ZNF425: variants seen among roughly 807,000 people sequenced by gnomAD.
ZNF425 encodes zinc finger protein 425.
ZNF425 carries 21 observed loss-of-function variants against 17.0 expected under a neutral mutation model. That is an observed-to-expected ratio of 1.23 (90% CI 0.88 to 1.78). The LOEUF is 1.78. ZNF425 is among the 40% of genes most tolerant of loss of function. ZNF425 has a pLI of 0.00. For missense variants in ZNF425, 868 were observed against 967.3 expected, an observed-to-expected ratio of 0.90 and a Z score of 1.36; for synonymous variants, 433 against 384.1, an observed-to-expected ratio of 1.13 and a Z score of -1.49.
intron 1 of ZNF425, among the ~76,000 whole-genome samples, chr7:149,125,096 C>T (rs1204434028): frequency 6.6e-6 from 1 of 152,128 alleles, no homozygotes; most frequent in Non-Finnish European, 1.5e-5. Context: ...AAAAGAAAGC[C>T]TGGCTGTAGA....
chr7:149,109,994 C>A (rs60032040), intron 3 of ZNF425, among the ~76,000 whole-genome samples: 6,751 of 151,458 alleles, frequency 0.045, 512 homozygotes, highest in African/African-American at 0.15. Context: ...CCCCTGCCTC[C>A]GCCTCCTGAG....
intron 1 of ZNF425, 149 bp from the exon 2 acceptor site, chr7:149,118,497 A>C: frequency 1.0e-6 from 1 of 968,936 alleles, no homozygotes; most frequent in Non-Finnish European, 1.5e-6. Context: ...AGGGGTCACA[A>C]ATATCCACTG....
chr7:149,119,302 A>G (rs1332753644), intron 1 of ZNF425, among the ~76,000 whole-genome samples: 1 of 152,000 alleles, frequency 6.6e-6, no homozygotes. Context: ...CCAACGTGGT[A>G]AAACCTCATC....
intron 3 of ZNF425, among the ~76,000 whole-genome samples, chr7:149,107,348 T>TA (rs1237876400): frequency 5.9e-5 from 8 of 134,806 alleles, no homozygotes; most frequent in African/African-American, 2.4e-4. Context: ...TTTATTTATT[T>TA]TTTTTCTGAG....
Position 149,104,404 on chromosome 7 carries a change from G to A in ZNF425, c.1467C>T (p.Thr489=), listed in dbSNP as rs1240867557. ...ACTCCTTCTGCCTGTCGTGGACTCT[G>A]GTGTGGCAGGCGAGCTTGGAAGGCC... The part of the protein sequence containing the change: ...FTRPSKLACH[T]RVHDRQKEFP... Residue 489 remains threonine (T), a synonymous_variant, in exon 4 of 4, where the codon ACC becomes ACT. Coordinates refer to ENST00000378061, the MANE Select transcript of ZNF425 (RefSeq NM_001001661.3). The surrounding 1 kb of genome is among the most constrained non-coding windows in gnomAD (Gnocchi z 4.3). 19 of 1,605,496 alleles carry A rather than the reference G, an allele frequency of 1.2e-5. No individual in the cohort carries two copies. Among genetic ancestry groups the A allele is most frequent in the Non-Finnish European group, 1.4e-5 (17 of 1,176,166 alleles).
rs1185700429 is a variant in ZNF425, at chr7:149,102,948, G to C, written c.*664C>G. On this transcript the variant is annotated 3_prime_UTR_variant, in exon 4 of 4. Transcript: ENST00000378061. ...AAAATGGCCTGGTAATGGAAAAGCT[G>C]ACTGAGGAATATGTTCCTGGCTGTA... 1.3e-5 allele frequency: 2 copies of C among 152,192 alleles called. No homozygotes were observed. The highest frequency in any genetic ancestry group is 3.8e-4 in the East Asian group (2 of 5,204). 9.4% of individuals were successfully genotyped at this position (152,192 alleles called of 1,614,324 possible).
rs869026303 is a variant in ZNF425, at chr7:149,117,642, C to CTTTTTTTT, written c.145+572_145+579dup. Among the ~76,000 whole-genome samples the CTTTTTTTT allele has an allele frequency of 9.1e-4, 50 of 54,984 alleles. 5 individuals are homozygous for CTTTTTTTT. Among genetic ancestry groups the CTTTTTTTT allele is most frequent in the African/African-American group, 2.0e-3 (26 of 13,118 alleles). The allele number at this position is 54,984 out of a possible 152,430, so 36.1% of individuals were successfully genotyped here. The stretch of plus-strand genomic sequence containing the variant: ...GGGGCAATTAGATTACTTAGTAATT[C>CTTTTTTTT]TTTTTTTTTTTTTTTTTTTTTTTTT... On this transcript the variant is annotated intron_variant, in intron 2 of 3. Coordinates refer to ENST00000378061, the MANE Select transcript of ZNF425 (RefSeq NM_001001661.3).
chr7:149,104,747 G>T lies in ZNF425; in HGVS notation c.1124C>A (p.Thr375Asn). 2.5e-6 allele frequency: 4 copies of T among 1,613,080 alleles called. No homozygotes were observed. The highest frequency in any genetic ancestry group is 3.4e-6 in the Non-Finnish European group (4 of 1,179,882). Reference protein sequence around the residue: ...RSFSRKAALKTHQRTHSEEKP... With the variant: ...RSFSRKAALKNHQRTHSEEKP... ...TTCCTCGCTGTGCGTCCTCTGGTGG[G>T]TCTTCAGGGCAGCCTTCCGGGAGAA... is the stretch of plus-strand genomic sequence containing the variant. Residue 375 changes from threonine to asparagine, a missense_variant, in exon 4 of 4, where the codon ACC becomes AAC. Thr to Asn is a moderately conservative substitution (Grantham distance 65, BLOSUM62 0). Coordinates refer to ENST00000378061, the MANE Select transcript of ZNF425 (RefSeq NM_001001661.3). The surrounding 1 kb of genome is among the most constrained non-coding windows in gnomAD (Gnocchi z 4.3).
At position 149,103,720 on chromosome 7, in the gene ZNF425, A is replaced by G. The variant is rs757190057; in HGVS notation, c.2151T>C (p.Ser717=). 9 of 1,613,980 alleles carry G rather than the reference A, an allele frequency of 5.6e-6. No homozygotes were observed. Among genetic ancestry groups the G allele is most frequent in the African/African-American group, 2.7e-5 (2 of 74,886 alleles). Reference sequence around the variant, plus strand: ...CATCACAAGAAAAAGGCCTCTCCCCACTGTGAAGGCACAGATGGGCCTTCA... The same window carrying G: ...CATCACAAGAAAAAGGCCTCTCCCCGCTGTGAAGGCACAGATGGGCCTTCA... ...RSLKAHLCLH[S]GERPFSCDEC... Residue 717 remains serine, a synonymous_variant, in exon 4 of 4, where the codon AGT becomes AGC. Coordinates refer to ENST00000378061, the MANE Select transcript of ZNF425 (RefSeq NM_001001661.3).
At chr7:149,124,522 T>TG (rs200565767) in intron 1 of ZNF425, among the ~76,000 whole-genome samples, 3,933 of 139,548 alleles carry the variant, frequency 0.028, 153 homozygotes, top group African/African-American at 0.097. Flanking sequence ...CTCACCCATA[T>TG]TTTTTTGTTG....
rs1248312854 is a variant in ZNF425 at position 149,121,005 on chromosome 7, T to C, written c.19-2657A>G. ...GCCCAGGACTACAACTGCTGTGTCATATGATGAGTATTTGTTTAGTTTTTA... is the reference window on the plus strand; with the variant it reads ...GCCCAGGACTACAACTGCTGTGTCACATGATGAGTATTTGTTTAGTTTTTA... On this transcript the variant is annotated intron_variant, in intron 1 of 3. Coordinates refer to ENST00000378061, the MANE Select transcript of ZNF425 (RefSeq NM_001001661.3). Among the ~76,000 whole-genome samples the C allele has an allele frequency of 7.2e-5, 11 of 152,116 alleles. No homozygotes were observed. The East Asian group carries it at 1.2e-3, about 16-fold the overall frequency.
rs60783786 is a variant in ZNF425 at position 149,111,590 on chromosome 7, T to TAAAAAAAAAAAAAA, written c.304+533_304+546dup. Among the ~76,000 whole-genome samples, 76 of 54,386 alleles carry TAAAAAAAAAAAAAA rather than the reference T, an allele frequency of 1.4e-3. 2 individuals are homozygous for TAAAAAAAAAAAAAA. Among genetic ancestry groups the TAAAAAAAAAAAAAA allele is most frequent in the Admixed American group, 1.5e-3 (5 of 3,362 alleles). 35.7% of individuals were successfully genotyped at this position (54,386 alleles called of 152,430 possible). A position where few individuals can be genotyped will look rare whatever the true frequency, so the allele number is the denominator to read the frequency against. ...CTGGGTGACAGAGCAAGACTCTGTCTAAAAAAAAAAAAAAAAAAAAAAAAA... is the reference window on the plus strand; with the variant it reads ...CTGGGTGACAGAGCAAGACTCTGTCTAAAAAAAAAAAAAAAAAAAAAAAAAAAAAAAAAAAAAAA... On this transcript the variant is annotated intron_variant, in intron 3 of 3. Coordinates refer to ENST00000378061, the MANE Select transcript of ZNF425 (RefSeq NM_001001661.3).
intron 2 of ZNF425, among the ~76,000 whole-genome samples, chr7:149,113,996 A>G (rs1033871124): frequency 1.3e-4 from 18 of 139,060 alleles, no homozygotes; most frequent in Non-Finnish European, 2.8e-4. Flanking sequence ...CCTAGGTGAT[A>G]GAGAGAGACT....
At chr7:149,122,065 G>A (rs1052130384) in intron 1 of ZNF425, among the ~76,000 whole-genome samples, 5 of 149,142 alleles carry the variant, frequency 3.4e-5, no homozygotes, top group Admixed American at 6.7e-5. Context: ...ACAGGCACCC[G>A]TCACCACCGC....
chr7:149,110,066 G>A (rs1459971683), intron 3 of ZNF425, among the ~76,000 whole-genome samples: 3 of 151,448 alleles, frequency 2.0e-5, no homozygotes, highest in East Asian at 2.0e-4. Context: ...CAGTAGAAAC[G>A]GGTTTCATGA....
At chr7:149,126,038 G>C in intron 1 of ZNF425, 158 bp downstream of exon 1, 6 of 1,426,262 alleles carry the variant, frequency 4.2e-6, no homozygotes, top group Non-Finnish European at 5.8e-6. Flanking sequence ...CAGCAAGACT[G>C]CACCTTCTCC....
At chr7:149,106,214 A>C (rs1443527047) in intron 3 of ZNF425, among the ~76,000 whole-genome samples, 1 of 151,428 alleles carries the variant, frequency 6.6e-6, no homozygotes, top group African/African-American at 2.4e-5. Context: ...CAGCCTCCCA[A>C]AGTGCTGGGA....
At chr7:149,115,509 G>A (rs1204411379) in intron 2 of ZNF425, among the ~76,000 whole-genome samples, 2 of 150,472 alleles carry the variant, frequency 1.3e-5, no homozygotes, top group African/African-American at 2.5e-5. Flanking sequence ...GGCCAACATG[G>A]TGAAACCCTG....
At chr7:149,112,973 C>CTTTT (rs35291501) in intron 2 of ZNF425, among the ~76,000 whole-genome samples, 30 of 123,952 alleles carry the variant, frequency 2.4e-4, no homozygotes, top group African/African-American at 8.5e-4. Context: ...CCCCGTGACC[C>CTTTT]TTTTTTTTTT....
Sources: allele counts gnomAD v4.1 joint callset (sites outside exome capture counted in the v4.1 genomes callset), GRCh38; gene constraint gnomAD v4.1.1; non-coding constraint Gnocchi (gnomAD v3.1); transcripts MANE v1.5; gene names NCBI Gene and HGNC (gene_info 2026-07-23, HGNC 2026-07-21).